The following LARGE1 variants were observed in gnomAD, a reference collection of about 807,000 sequenced individuals.
LARGE1 encodes the protein xylosyl- and glucuronyltransferase LARGE1.
A neutral mutation model predicts 87.6 loss-of-function variants in LARGE1; 43 were observed. The observed-to-expected ratio is 0.49, with a 90% CI of 0.38 to 0.63. The LOEUF (loss-of-function observed/expected upper bound fraction) is 0.63, where lower values mean the gene tolerates loss of function less well. LARGE1 is among the 30% of genes least tolerant of loss of function. The pLI is 0.00. For missense variants in LARGE1, 802 were observed against 1,000.2 expected (o/e 0.80, Z 2.67); for synonymous variants, 434 against 394.6 (o/e 1.10, Z -1.18).
At chr22:33,825,639 A>T (rs1307950116) in intron 1 of LARGE1, among the ~76,000 whole-genome samples, 3 of 152,192 alleles carry the variant, frequency 2.0e-5, no homozygotes, top group Non-Finnish European at 2.9e-5. Context: ...CATACGGGTA[A>T]CTGCTCCCTT....
intron 6 of LARGE1, among the ~76,000 whole-genome samples, chr22:33,541,703 C>T (rs61501786): frequency 0.032 from 4,814 of 148,678 alleles, 110 homozygotes; most frequent in East Asian, 0.15. Flanking sequence ...CTGGAGTCAT[C>T]GTCTTACTGT....
At chr22:33,426,002 T>C (rs551673084) in intron 7 of LARGE1, among the ~76,000 whole-genome samples, 1 of 152,302 alleles carries the variant, frequency 6.6e-6, no homozygotes, top group Non-Finnish European at 1.5e-5. Flanking sequence ...CGCTTCGGCC[T>C]CCTAAAGTGC....
At chr22:33,492,607 G>C (rs901935883) in intron 6 of LARGE1, among the ~76,000 whole-genome samples, 2 of 152,132 alleles carry the variant, frequency 1.3e-5, no homozygotes, top group Admixed American at 6.5e-5. Flanking sequence ...TGCAAGCTCC[G>C]GGAGCTTTGC....
chr22:33,201,562 A>G (rs1924395541), intron 11 of LARGE1, among the ~76,000 whole-genome samples: 2 of 152,212 alleles, frequency 1.3e-5, no homozygotes, highest in South Asian at 4.1e-4. Context: ...AGGACATTCA[A>G]GCCAGAATTT....
At chr22:33,301,746 G>C (rs1220661803) in intron 12 of LARGE1, among the ~76,000 whole-genome samples, 4 of 152,162 alleles carry the variant, frequency 2.6e-5, no homozygotes, top group African/African-American at 9.7e-5. Context: ...CCTGTGATAA[G>C]GTAGCTAAGG....
intron 2 of LARGE1, among the ~76,000 whole-genome samples, chr22:33,654,893 CT>C (rs1041004372): frequency 3.3e-5 from 5 of 152,192 alleles, no homozygotes; most frequent in Non-Finnish European, 7.3e-5. Flanking sequence ...AAATTTGCCC[CT>C]AACACTCAAA....
intron 11 of LARGE1, among the ~76,000 whole-genome samples, chr22:33,226,467 C>A (rs941588791): frequency 3.9e-5 from 6 of 152,318 alleles, no homozygotes; most frequent in East Asian, 1.9e-4. Context: ...TAGGACACAT[C>A]CACCCTGTCC....
the LARGE1 span, among the ~76,000 whole-genome samples, chr22:33,097,232 A>C: frequency 6.6e-6 from 1 of 152,234 alleles, no homozygotes; most frequent in East Asian, 1.9e-4. Context: ...AGGGGATTAG[A>C]AAAGAAAGAA....
chr22:33,080,360 C>T, the LARGE1 span, among the ~76,000 whole-genome samples: 5 of 152,204 alleles, frequency 3.3e-5, no homozygotes, highest in Admixed American at 6.5e-5. Flanking sequence ...TTGTTTCTCA[C>T]TCGTGCTCTT....
intron 5 of LARGE1, among the ~76,000 whole-genome samples, chr22:33,585,799 G>A (rs2078655164): frequency 6.6e-6 from 1 of 152,174 alleles, no homozygotes; most frequent in African/African-American, 2.4e-5. Flanking sequence ...CTGCACAAAG[G>A]GATGTAAAGT....
chr22:33,671,585 T>C (rs1474178166), intron 2 of LARGE1, among the ~76,000 whole-genome samples: 1 of 152,168 alleles, frequency 6.6e-6, no homozygotes, highest in African/African-American at 2.4e-5. Context: ...AACCGTTCAT[T>C]CTCTAATCCC....
rs142970793 is a variant in LARGE1 at position 33,422,992 on chromosome 22, G to T, written c.892+9169C>A. Among the ~76,000 whole-genome samples, 289 of 142,502 alleles carry T rather than the reference G, an allele frequency of 2.0e-3. 1 individual carries two copies. Among genetic ancestry groups the T allele is most frequent in the Non-Finnish European group, 3.7e-3 (244 of 66,764 alleles). 93.5% of individuals were successfully genotyped at this position (142,502 alleles called of 152,430 possible). ...AGCCTGGAACTAACACTACTTACGGGATATTTTTTAAAACCATTTTTTTTT... is the reference window on the plus strand; with the variant it reads ...AGCCTGGAACTAACACTACTTACGGTATATTTTTTAAAACCATTTTTTTTT... On this transcript the variant is annotated intron_variant, in intron 7 of 14. Transcript: ENST00000397394.
At chr22:33,316,964 G>A (rs1423171975) in intron 10 of LARGE1, among the ~76,000 whole-genome samples, 6 of 150,876 alleles carry the variant, frequency 4.0e-5, no homozygotes, top group East Asian at 2.0e-4. Context: ...CTGTAATCCC[G>A]GCACTTTGGG....
At chr22:33,721,266 C>T (rs1362767212) in intron 2 of LARGE1, among the ~76,000 whole-genome samples, 1 of 152,074 alleles carries the variant, frequency 6.6e-6, no homozygotes, top group Non-Finnish European at 1.5e-5. Context: ...GAGGTAGGAC[C>T]CTGAACAAGA....
At chr22:33,184,160 T>C (rs1923350564) in intron 11 of LARGE1, among the ~76,000 whole-genome samples, 1 of 145,234 alleles carries the variant, frequency 6.9e-6, no homozygotes, top group Non-Finnish European at 1.5e-5. Flanking sequence ...CAATTAAATA[T>C]TTTAAAATAA....
chr22:33,113,427 G>A, the LARGE1 span, among the ~76,000 whole-genome samples: 1 of 152,082 alleles, frequency 6.6e-6, no homozygotes, highest in East Asian at 1.9e-4. Context: ...GGCTGGTCTC[G>A]AACTCCCGAC....
In LARGE1 at chr22:33,650,660, G is replaced by C; in HGVS notation, c.115C>G (p.Pro39Ala). 6.2e-7 allele frequency: 1 copy of C among 1,600,554 alleles called. No individual in the cohort carries two copies. The highest frequency in any genetic ancestry group is 8.5e-7 in the Non-Finnish European group (1 of 1,179,948). Residue 39 changes from proline to alanine, a missense_variant, in exon 3 of 15, where the codon CCC becomes GCC. Physicochemically the swap from Pro to Ala is conservative, Grantham distance 27. Coordinates refer to ENST00000397394, the MANE Select transcript of LARGE1 (RefSeq NM_133642.5). ...GACTCCAGCGGTGACAGAGACACGGGCTTTCCATCTGGGGAGCGAAACACC... is the reference window on the plus strand; with the variant it reads ...GACTCCAGCGGTGACAGAGACACGGCCTTTCCATCTGGGGAGCGAAACACC... ...LFSGSFEDGKPVSLSPLESQA... is the reference protein window; with the variant it reads ...LFSGSFEDGKAVSLSPLESQA...
At chr22:33,382,340 C>G (rs2065186737) in intron 8 of LARGE1, among the ~76,000 whole-genome samples, 1 of 152,150 alleles carries the variant, frequency 6.6e-6, no homozygotes, top group Non-Finnish European at 1.5e-5. Context: ...GTCTTCCCTA[C>G]CCTCACTGGC....
At chr22:33,794,313 C>T (rs1368585307) in intron 1 of LARGE1, among the ~76,000 whole-genome samples, 1 of 152,188 alleles carries the variant, frequency 6.6e-6, no homozygotes, top group Non-Finnish European at 1.5e-5. Context: ...GAAGGGAACC[C>T]TGAGATCGCC....
Sources: gnomAD v4.1 joint callset for allele counts (sites outside exome capture counted in the v4.1 genomes callset) on GRCh38, gnomAD v4.1.1 for gene constraint, MANE v1.5 for transcripts, NCBI Gene and HGNC (gene_info 2026-07-23, HGNC 2026-07-21) for gene names.